SHTN1: variants seen among roughly 807,000 people sequenced by gnomAD.
SHTN1 encodes the protein shootin-1.
In SHTN1, 42 loss-of-function variants were observed where a neutral mutation model predicts 83.1. The ratio of observed to expected loss-of-function variants is 0.51; its 90% CI spans 0.39 to 0.65. SHTN1 has a LOEUF of 0.65. Ranked by LOEUF, SHTN1 falls within the 30% of genes least tolerant of loss-of-function variation. SHTN1 has a pLI of 0.00. For missense variants in SHTN1, 622 were observed against 737.8 expected, an observed-to-expected ratio of 0.84 and a Z score of 1.82; for synonymous variants, 224 against 247.7, an observed-to-expected ratio of 0.90 and a Z score of 0.90.
intron 4 of SHTN1, among the ~76,000 whole-genome samples, chr10:116,958,827 T>A (rs1361169476): frequency 6.6e-6 from 1 of 152,178 alleles, no homozygotes; most frequent in African/African-American, 2.4e-5. Flanking sequence ...AATTAACTTG[T>A]CCAAAATCAC....
chr10:117,098,342 C>G (rs1342071372), intron 1 of SHTN1, among the ~76,000 whole-genome samples: 2 of 144,282 alleles, frequency 1.4e-5, no homozygotes, highest in African/African-American at 5.2e-5. Flanking sequence ...GCTTGCAGTG[C>G]GCCGACATCG....
chr10:117,044,823 C>T (rs550509659), intron 2 of SHTN1, among the ~76,000 whole-genome samples: 1 of 152,114 alleles, frequency 6.6e-6, no homozygotes, highest in East Asian at 1.9e-4. Flanking sequence ...TCATTGTTGC[C>T]TTATAACATT....
chr10:117,039,102 A>C (rs1159274268), intron 2 of SHTN1, among the ~76,000 whole-genome samples: 2 of 152,236 alleles, frequency 1.3e-5, no homozygotes, highest in Admixed American at 1.3e-4. Flanking sequence ...GATGTCCTTC[A>C]GTACATGAGT....
chr10:116,981,261 G>A (rs568120751), intron 1 of SHTN1, among the ~76,000 whole-genome samples: 1 of 152,306 alleles, frequency 6.6e-6, no homozygotes, highest in East Asian at 1.9e-4. Flanking sequence ...AGAGGTTGCA[G>A]TGAGCCAAGA....
intron 14 of SHTN1, among the ~76,000 whole-genome samples, chr10:116,910,885 C>T (rs1373239386): frequency 6.6e-6 from 1 of 152,218 alleles, no homozygotes; most frequent in Admixed American, 6.5e-5. Flanking sequence ...TCACTTAAAA[C>T]TAAAGCAAAC....
chr10:117,087,079 G>GAGGTTACCA (rs769290225), intron 1 of SHTN1, among the ~76,000 whole-genome samples: 2 of 152,194 alleles, frequency 1.3e-5, no homozygotes, highest in Non-Finnish European at 2.9e-5. Flanking sequence ...AAATAGATTA[G>GAGGTTACCA]AGGTTACCAA....
At chr10:116,924,753 T>C (rs1043630075) in intron 11 of SHTN1, among the ~76,000 whole-genome samples, 97 of 63,610 alleles carry the variant, frequency 1.5e-3, no homozygotes, top group Middle Eastern at 0.012. Flanking sequence ...CCTATTTTTT[T>C]TTTTTTTTTT....
Position 117,042,163 on chromosome 10 carries a change from T to C in SHTN1, c.-123+6282A>G, listed in dbSNP as rs181280691. On this transcript the variant is annotated intron_variant, in intron 2 of 17. Transcript: ENST00000392901. ...TCCTTTGATATTTACAGGCCATCTT[T>C]ACCAGGAATGGTAGCTCACTAGCTG... Among the ~76,000 whole-genome samples the C allele has an allele frequency of 2.3e-3, 349 of 152,338 alleles. 2 individuals are homozygous for C. Among genetic ancestry groups the C allele is most frequent in the African/African-American group, 7.7e-3 (320 of 41,574 alleles).
chr10:116,983,703 CATACA>C (rs1851127784), intron 1 of SHTN1, among the ~76,000 whole-genome samples: 2 of 146,792 alleles, frequency 1.4e-5, no homozygotes, highest in Non-Finnish European at 3.0e-5. Flanking sequence ...TACATACATA[CATACA>C]TACATACATA....
chr10:117,026,769 C>T (rs566960382), intron 2 of SHTN1, among the ~76,000 whole-genome samples: 11 of 152,346 alleles, frequency 7.2e-5, no homozygotes, highest in Middle Eastern at 3.4e-3. Context: ...CCCCAGCTCC[C>T]AGATGGCATC....
At chr10:116,921,698 C>T (rs1848573875) in intron 11 of SHTN1, among the ~76,000 whole-genome samples, 182 bp from the exon 12 acceptor site, 1 of 152,126 alleles carries the variant, frequency 6.6e-6, no homozygotes, top group Admixed American at 6.5e-5. Context: ...GTCTCATCCT[C>T]TTCTGTATAA....
Position 116,886,415 on chromosome 10 carries a change from C to T in SHTN1, c.1825G>A (p.Gly609Ser), listed in dbSNP as rs1250110382. The T allele has an allele frequency of 6.3e-7, 1 of 1,599,536 alleles. No homozygotes were observed. Among genetic ancestry groups the T allele is most frequent in the Non-Finnish European group, 8.5e-7 (1 of 1,171,600 alleles). ...KDPTQHKEDE[G>S]EIQPENKEDS... ...TCTTTGTTTTCTGGTTGAATTTCGC[C>T]TTCATCCTCCTTGTGTTGAGTTGGA... Residue 609 changes from glycine (G) to serine (S), a missense_variant, in exon 17 of 17, where the codon GGC (glycine) becomes AGC (serine). By Grantham distance (56) the Gly-to-Ser change is moderately conservative (BLOSUM62 0). Around this residue, in one of 3 missense-constraint regions of SHTN1, gnomAD observed 231 missense variants for 251.6 expected, o/e 0.92. Transcript: ENST00000355371.
At position 116,968,668 on chromosome 10, in the gene SHTN1, C is replaced by A; in HGVS notation, c.156G>T (p.Leu52=). Residue 52 remains leucine, a synonymous_variant, in exon 3 of 17, where the codon CTG becomes CTT. Coordinates refer to ENST00000355371, the MANE Select transcript of SHTN1 (RefSeq NM_001127211.3). ...RQERDEAVKK[L]EEFQKISHMV... ...CTTACGTACTTTTCTGAAATTCTTC[C>A]AGTTTTTTAACGGCTTCATCTCGTT... 1 of 1,611,650 alleles carries A rather than the reference C, an allele frequency of 6.2e-7. No individual in the cohort carries two copies. Among genetic ancestry groups the A allele is most frequent in the African/African-American group, 1.3e-5 (1 of 74,996 alleles).
chr10:117,025,508 C>A (rs888380254), intron 2 of SHTN1, among the ~76,000 whole-genome samples: 1 of 152,154 alleles, frequency 6.6e-6, no homozygotes, highest in Non-Finnish European at 1.5e-5. Context: ...TAGTGCTGAA[C>A]TGGGCCCAGA....
At chr10:117,006,235 TTTTTG>T (rs1454349492), upstream of SHTN1, among the ~76,000 whole-genome samples, 1 of 21,298 alleles carries the variant, frequency 4.7e-5, no homozygotes, top group Non-Finnish European at 1.2e-3. Context: ...ATGCAGTTTT[TTTTTG>T]TTTTTTTTTT....
chr10:117,059,814 A>T (rs889568835), intron 1 of SHTN1, among the ~76,000 whole-genome samples: 3 of 152,204 alleles, frequency 2.0e-5, no homozygotes, highest in Admixed American at 2.0e-4. Context: ...GTTTTGGAAG[A>T]TTGTACCATT....
intron 16 of SHTN1, among the ~76,000 whole-genome samples, chr10:116,887,888 CA>C (rs1403659220): frequency 6.6e-6 from 1 of 152,152 alleles, no homozygotes; most frequent in African/African-American, 2.4e-5. Context: ...TCTCTTGCAA[CA>C]AAAACAACAG....
At chr10:117,091,472 G>A (rs1853429106) in intron 1 of SHTN1, among the ~76,000 whole-genome samples, 1 of 152,236 alleles carries the variant, frequency 6.6e-6, no homozygotes, top group South Asian at 2.1e-4. Context: ...TTTCAGAACA[G>A]AAGCTAAGCA....
chr10:117,018,487 G>C (rs10749233), intron 2 of SHTN1, among the ~76,000 whole-genome samples: 86,985 of 146,968 alleles, frequency 0.59, 29,352 homozygotes, highest in Middle Eastern at 0.76. Flanking sequence ...ATCTGATAAA[G>C]GGTGTATGTG....
Sources: allele counts gnomAD v4.1 joint callset (sites outside exome capture counted in the v4.1 genomes callset), GRCh38; gene constraint gnomAD v4.1.1; regional missense constraint gnomAD v4.1.1; transcripts MANE v1.5; gene names NCBI Gene and HGNC (gene_info 2026-07-23, HGNC 2026-07-21).